The following LLGL2 variants were observed in gnomAD, a reference collection of about 807,000 sequenced individuals.
LLGL2 encodes the protein LLGL scribble cell polarity complex component 2, also known as LLGL2, scribble cell polarity complex component.
In LLGL2, 81 loss-of-function variants were observed where a neutral mutation model predicts 123.2. The ratio of observed to expected loss-of-function variants is 0.66; its 90% CI spans 0.55 to 0.79. The LOEUF (loss-of-function observed/expected upper bound fraction) is 0.79. LLGL2 is among the 30% of genes least tolerant of loss of function. The pLI, the probability that LLGL2 is intolerant of heterozygous loss-of-function variation, is 0.00. For synonymous variants in LLGL2, 577 were observed against 594.1 expected, an observed-to-expected ratio of 0.97 and a Z score of 0.42; for missense variants, 1,273 against 1,414.6, an observed-to-expected ratio of 0.90 and a Z score of 1.61.
intron 2 of LLGL2, 123 bp from the exon 3 acceptor site, chr17:75,555,923 G>A (rs1598584523): frequency 1.4e-6 from 1 of 698,818 alleles, no homozygotes; most frequent in Non-Finnish European, 2.5e-6. Flanking sequence ...AGGTGTCTGG[G>A]AGGAACCGGA....
At chr17:75,555,525 G>A (rs1001934784) in intron 2 of LLGL2, among the ~76,000 whole-genome samples, 7 of 152,190 alleles carry the variant, frequency 4.6e-5, no homozygotes, top group African/African-American at 1.7e-4. Flanking sequence ...GTGACAGTAA[G>A]AGTCTGTGAG....
chr17:75,563,207 C>T (rs935180307), intron 7 of LLGL2, 29 bp downstream of exon 7: 1 of 1,611,124 alleles, frequency 6.2e-7, no homozygotes, highest in African/African-American at 1.3e-5. Context: ...ATGGCAGGCG[C>T]CATGTTGCTC....
chr17:75,555,285 T>G (rs963102728), intron 2 of LLGL2, among the ~76,000 whole-genome samples: 1 of 114,134 alleles, frequency 8.8e-6, no homozygotes, highest in African/African-American at 3.0e-5. Context: ...TGGGTAATTT[T>G]TGTTCTTTTT....
Position 75,574,977 on chromosome 17 carries a change from C to A in LLGL2, c.*99C>A, listed in dbSNP as rs373936735. 406 of 1,555,762 alleles carry A rather than the reference C, an allele frequency of 2.6e-4. 2 individuals are homozygous for A. The African/African-American group carries it at 5.1e-3, about 19-fold the overall frequency. ...GGAGAGGCCGGTGCACAGGGCCCCG[C>A]CAGGGGCTGGGGGCATCCCGGCTTC... On this transcript the variant is annotated 3_prime_UTR_variant, in exon 26 of 26. Transcript: ENST00000392550.
At position 75,559,021 on chromosome 17, in the gene LLGL2, A is replaced by T; in HGVS notation, c.372-231A>T. The T allele has an allele frequency of 1.7e-6, 1 of 581,416 alleles. No individual in the cohort carries two copies. The highest frequency in any genetic ancestry group is 3.0e-6 in the Non-Finnish European group (1 of 330,744). 36.0% of individuals were successfully genotyped at this position (581,416 alleles called of 1,614,324 possible). ...TCTGCACCCCGCCTCCTCCATCCGC[A>T]CCCCGTGTTATGCTGGAGGGTCCCT... On this transcript the variant is annotated intron_variant, in intron 5 of 25. Coordinates refer to ENST00000392550, the MANE Select transcript of LLGL2 (RefSeq NM_001031803.2). This position sits in a 1 kb window ranked among gnomAD's most constrained non-coding sequence, Gnocchi z 4.6.
chr17:75,568,064 C>T (rs976133358), intron 10 of LLGL2: 154 of 1,071,448 alleles, frequency 1.4e-4, no homozygotes, highest in Admixed American at 4.8e-4. Flanking sequence ...AAAATGCCAC[C>T]CCTAGCAACT....
Position 75,558,200 on chromosome 17 carries a change from C to A in LLGL2, c.219C>A (p.Asn73Lys). The change falls in exon 4 of 26, where the codon AAC (asparagine) becomes AAA (lysine). Residue 73 changes from asparagine (N) to lysine (K), a missense_variant. By Grantham distance (94) the Asn-to-Lys change is moderately conservative. Coordinates refer to ENST00000392550, the MANE Select transcript of LLGL2 (RefSeq NM_001031803.2). The surrounding 1 kb of genome is among the most constrained non-coding windows in gnomAD (Gnocchi z 4.0). ...AGTTCATGGGGCTGCACCAGGAGAA[C>A]AACGCTGTGACGCAGATCCACCTCC... ...GVEFMGLHQENNAVTQIHLLP... is the reference protein window; with the variant it reads ...GVEFMGLHQEKNAVTQIHLLP... 6.2e-7 allele frequency: 1 copy of A among 1,613,694 alleles called. No individual in the cohort carries two copies. The highest frequency in any genetic ancestry group is 8.5e-7 in the Non-Finnish European group (1 of 1,179,980).
chr17:75,566,093 G>T (rs528567233), intron 10 of LLGL2, among the ~76,000 whole-genome samples: 57 of 152,356 alleles, frequency 3.7e-4, no homozygotes, highest in Middle Eastern at 3.4e-3. Context: ...CTGATGGAAG[G>T]CTTGCCCTGT....
rs1298954926 is a variant in LLGL2, at chr17:75,530,629, G to A, written c.-31+4804G>A. 2.0e-4 allele frequency among the ~76,000 whole-genome samples: 29 copies of A among 142,082 alleles called. No individual in the cohort carries two copies. In the South Asian group the frequency reaches 6.1e-3, roughly 30 times the overall value. The allele number at this position is 142,082 out of a possible 152,430, so 93.2% of individuals were successfully genotyped here. On this transcript the variant is annotated intron_variant, in intron 1 of 25. Coordinates refer to ENST00000392550, the MANE Select transcript of LLGL2 (RefSeq NM_001031803.2). The stretch of plus-strand genomic sequence containing the variant: ...CGCGCCACTGCACTCCAGCCTGGGC[G>A]ACAGAGCGAGACTCCATTTCAAAAA...
intron 1 of LLGL2, among the ~76,000 whole-genome samples, chr17:75,532,911 C>T (rs76468692): frequency 0.036 from 5,424 of 152,292 alleles, 94 homozygotes; most frequent in Middle Eastern, 0.12. Context: ...CTGTGGGGTC[C>T]TACCTCAGTG....
At chr17:75,534,486 T>G (rs578003133) in intron 1 of LLGL2, among the ~76,000 whole-genome samples, 2 of 152,174 alleles carry the variant, frequency 1.3e-5, no homozygotes, top group Admixed American at 6.5e-5. Flanking sequence ...TGGATTTTTT[T>G]TTTTCTTTTT....
In LLGL2 at chr17:75,564,340, C is replaced by G; in HGVS notation, c.882-13C>G. The G allele has an allele frequency of 6.2e-7, 1 of 1,601,030 alleles. No individual in the cohort carries two copies. Among genetic ancestry groups the G allele is most frequent in the Non-Finnish European group, 8.5e-7 (1 of 1,175,178 alleles). Reference sequence around the variant, plus strand: ...GGAGCCCCAGCCCACTGCCGCTCCTCTGTGCCTGCCAGGTTGCCCTTCACC... The same window carrying G: ...GGAGCCCCAGCCCACTGCCGCTCCTGTGTGCCTGCCAGGTTGCCCTTCACC... On this transcript the variant is annotated splice_polypyrimidine_tract_variant and intron_variant, in intron 9 of 25. Coordinates refer to ENST00000392550, the MANE Select transcript of LLGL2 (RefSeq NM_001031803.2). This position sits in a 1 kb window ranked among gnomAD's most constrained non-coding sequence, Gnocchi z 4.9.
At chr17:75,568,399 A>T in intron 10 of LLGL2, 77 bp from the exon 11 acceptor site, 1 of 1,533,836 alleles carries the variant, frequency 6.5e-7, no homozygotes, top group African/African-American at 1.4e-5. Context: ...CCTGGCTCCA[A>T]CCCTGGAGCT....
chr17:75,543,542 G>A (rs377431498), intron 2 of LLGL2, 41 bp downstream of exon 2: 14 of 1,574,054 alleles, frequency 8.9e-6, no homozygotes, highest in Admixed American at 3.5e-5. Context: ...CCAGGTTTTC[G>A]GCCAAGCAGC....
chr17:75,546,838 CAGGTCCAGCAGACAGGCGGAGGG>C (rs1337198154), intron 2 of LLGL2, among the ~76,000 whole-genome samples: 69 of 148,358 alleles, frequency 4.7e-4, no homozygotes, highest in South Asian at 6.8e-4. Context: ...AGGCGGAGGG[CAGGTCCAGCAGACAGGCGGAGGG>C]CAGGTCCAGC....
At chr17:75,532,932 T>C (rs1312052252) in intron 1 of LLGL2, among the ~76,000 whole-genome samples, 2 of 152,156 alleles carry the variant, frequency 1.3e-5, no homozygotes, top group Non-Finnish European at 2.9e-5. Flanking sequence ...TTTCGTGGGG[T>C]CAGTGATTGG....
chr17:75,559,667 C>T lies in LLGL2; in HGVS notation c.530+257C>T, dbSNP rs1337581550. Among the ~76,000 whole-genome samples, 1 of 152,202 alleles carries T rather than the reference C, an allele frequency of 6.6e-6. No homozygotes were observed. Among genetic ancestry groups the T allele is most frequent in the African/African-American group, 2.4e-5 (1 of 41,456 alleles). ...GCCCCAAATGACTGTGTAATGTCAC[C>T]GACTGTCAGTCCAGTGTCCTTTGCA... On this transcript the variant is annotated intron_variant, in intron 6 of 25. Transcript: ENST00000392550. This position sits in a 1 kb window ranked among gnomAD's most constrained non-coding sequence, Gnocchi z 4.6.
At chr17:75,568,256 G>T (rs536141789) in intron 10 of LLGL2, 33 of 1,424,110 alleles carry the variant, frequency 2.3e-5, no homozygotes, top group South Asian at 1.8e-4. Context: ...ATCCCCCCAG[G>T]AGCCCTGTGC....
intron 1 of LLGL2, among the ~76,000 whole-genome samples, chr17:75,541,512 C>T (rs72851957): frequency 0.098 from 14,930 of 152,180 alleles, 778 homozygotes; most frequent in Non-Finnish European, 0.12. Context: ...CTAGGAGTTT[C>T]CCGGCCACCT....
Sources: gnomAD v4.1 joint callset for allele counts (sites outside exome capture counted in the v4.1 genomes callset) on GRCh38, gnomAD v4.1.1 for gene constraint, Gnocchi (gnomAD v3.1) non-coding constraint, MANE v1.5 for transcripts, NCBI Gene and HGNC (gene_info 2026-07-23, HGNC 2026-07-21) for gene names.